The following CDH20 variants were observed in gnomAD, a reference collection of about 807,000 sequenced individuals.
CDH20 encodes the protein cadherin-20.
In CDH20, 29 loss-of-function variants were observed where a neutral mutation model predicts 74.2. The observed-to-expected ratio is 0.39, with a 90% CI of 0.29 to 0.53. The LOEUF is 0.53. CDH20 is among the 20% of genes least tolerant of loss of function. The probability of loss-of-function intolerance (pLI) is 0.69; values close to 1 mark genes in which losing one functional copy is unlikely to be tolerated. For synonymous variants in CDH20, 469 were observed against 405.4 expected (o/e 1.16, Z -1.88); for missense variants, 988 against 1,048.3 (o/e 0.94, Z 0.79).
At position 61,536,486 on chromosome 18, in the gene CDH20, T is replaced by C; in HGVS notation, c.1272-7T>C. 6.2e-7 allele frequency: 1 copy of C among 1,613,304 alleles called. No individual in the cohort carries two copies. The stretch of plus-strand genomic sequence containing the variant: ...GCAAATGATGTACGTAATCCATGTT[T>C]CTGCAGATACTCCATTGATAGAAGC... On this transcript the variant is annotated splice_polypyrimidine_tract_variant and splice_region_variant and intron_variant, in intron 7 of 11. Transcript: ENST00000262717.
rs1323959572 is a variant in CDH20 at position 61,353,793 on chromosome 18, C to T, written c.-153+19966C>T. ...TTAATAAAAGTTAAAAAAAATCTTT[C>T]AGTTCCAGCCAGTCATGGTGGCTCA... On this transcript the variant is annotated intron_variant, in intron 1 of 11. Coordinates refer to ENST00000262717, the MANE Select transcript of CDH20 (RefSeq NM_031891.4). The surrounding 1 kb of genome is among the most constrained non-coding windows in gnomAD (Gnocchi z 4.6). Among the ~76,000 whole-genome samples, 1 of 152,100 alleles carries T rather than the reference C, an allele frequency of 6.6e-6. No homozygotes were observed. Among genetic ancestry groups the T allele is most frequent in the Non-Finnish European group, 1.5e-5 (1 of 68,008 alleles).
intron 6 of CDH20, among the ~76,000 whole-genome samples, chr18:61,518,817 C>A (rs1912093629): frequency 6.6e-6 from 1 of 150,516 alleles, no homozygotes; most frequent in South Asian, 2.1e-4. Flanking sequence ...TAATAACAAA[C>A]TTTTCCGAGC....
chr18:61,482,977 T>G (rs1910638375), intron 1 of CDH20, among the ~76,000 whole-genome samples: 1 of 152,220 alleles, frequency 6.6e-6, no homozygotes. Flanking sequence ...AATTAAATTA[T>G]TATTAATCTC....
At chr18:61,459,721 C>T (rs1222874803) in intron 1 of CDH20, among the ~76,000 whole-genome samples, 2 of 152,118 alleles carry the variant, frequency 1.3e-5, no homozygotes, top group African/African-American at 2.4e-5. Flanking sequence ...TTCCTATGCA[C>T]TTTCAAGTCC....
intron 9 of CDH20, 152 bp downstream of exon 9, chr18:61,539,297 C>T: frequency 1.2e-6 from 1 of 805,490 alleles, no homozygotes; most frequent in South Asian, 1.7e-5. Flanking sequence ...AGGTTTCAAC[C>T]ATTTATTTGT....
chr18:61,524,686 C>G (rs915214274), intron 6 of CDH20, among the ~76,000 whole-genome samples: 7 of 152,134 alleles, frequency 4.6e-5, no homozygotes, highest in Non-Finnish European at 1.0e-4. Context: ...AGGCCAAGGC[C>G]GAGGTGGGCC....
chr18:61,446,603 G>A (rs1364473020), intron 1 of CDH20, among the ~76,000 whole-genome samples: 1 of 151,806 alleles, frequency 6.6e-6, no homozygotes, highest in Admixed American at 6.6e-5. Flanking sequence ...ATTTCCCTCA[G>A]TTTATTCAAA....
intron 1 of CDH20, among the ~76,000 whole-genome samples, chr18:61,355,395 G>A (rs1013450167): frequency 5.3e-5 from 8 of 152,182 alleles, no homozygotes; most frequent in Admixed American, 1.3e-4. Context: ...GACTCCAAAG[G>A]TTTGCAGAAT....
intron 6 of CDH20, among the ~76,000 whole-genome samples, chr18:61,508,439 G>A (rs1414048636): frequency 6.6e-6 from 1 of 152,108 alleles, no homozygotes; most frequent in East Asian, 1.9e-4. Context: ...AAGCAGAACA[G>A]AACACAATAA....
At chr18:61,514,507 G>A (rs569252102) in intron 6 of CDH20, among the ~76,000 whole-genome samples, 5,049 of 152,164 alleles carry the variant, frequency 0.033, 132 homozygotes, top group Middle Eastern at 0.089. Flanking sequence ...GCTCGTCAAA[G>A]TCATTCTCCA....
At chr18:61,512,007 G>T (rs2144338681) in intron 6 of CDH20, among the ~76,000 whole-genome samples, 1 of 152,280 alleles carries the variant, frequency 6.6e-6, no homozygotes, top group East Asian at 1.9e-4. Context: ...TCAGATGTCT[G>T]CTCCACGCCC....
chr18:61,538,344 T>C (rs1424153493), intron 8 of CDH20, among the ~76,000 whole-genome samples: 1 of 152,032 alleles, frequency 6.6e-6, no homozygotes, highest in Non-Finnish European at 1.5e-5. Flanking sequence ...CTGAGCCAAA[T>C]GGGAGACTGA....
At chr18:61,540,221 G>A (rs1912976966) in intron 9 of CDH20, among the ~76,000 whole-genome samples, 1 of 152,132 alleles carries the variant, frequency 6.6e-6, no homozygotes, top group African/African-American at 2.4e-5. Context: ...TGGTCCTGTG[G>A]ATGCTGGTGC....
At chr18:61,451,746 GAA>G (rs34974190) in intron 1 of CDH20, among the ~76,000 whole-genome samples, 12 of 147,792 alleles carry the variant, frequency 8.1e-5, no homozygotes, top group Non-Finnish European at 1.2e-4. Context: ...CAGAGTCAAA[GAA>G]AAAAAAAAAT....
chr18:61,456,085 G>A (rs192536221), intron 1 of CDH20, among the ~76,000 whole-genome samples: 17 of 152,280 alleles, frequency 1.1e-4, no homozygotes, highest in East Asian at 3.9e-4. Flanking sequence ...AAGCTTCACC[G>A]TTTGGGGTGG....
At chr18:61,424,302 C>G (rs1260827182) in intron 1 of CDH20, among the ~76,000 whole-genome samples, 1 of 152,206 alleles carries the variant, frequency 6.6e-6, no homozygotes, top group Non-Finnish European at 1.5e-5. Context: ...ATTTCACCAG[C>G]AGACTTAATC....
rs34784622 is a variant in CDH20, at chr18:61,527,996, C to T, written c.1047C>T (p.Tyr349=). The change falls in exon 7 of 12, where the codon TAC becomes TAT. Residue 349 remains tyrosine, a synonymous_variant. Transcript: ENST00000262717. ...KPLSFESKKS[Y]TLKVEGANPH... Reference sequence around the variant, plus strand: ...TGAGTTTTGAAAGCAAGAAAAGCTACACCTTAAAGGTGGAGGGAGCCAATC... The same window carrying T: ...TGAGTTTTGAAAGCAAGAAAAGCTATACCTTAAAGGTGGAGGGAGCCAATC... 30,172 of 1,614,018 alleles carry T rather than the reference C, an allele frequency of 0.019. 341 individuals are homozygous for T. The highest frequency in any genetic ancestry group is 0.022 in the Non-Finnish European group (25,958 of 1,179,900).
intron 1 of CDH20, among the ~76,000 whole-genome samples, chr18:61,367,259 G>A (rs1249902859): frequency 6.6e-6 from 1 of 152,138 alleles, no homozygotes; most frequent in Non-Finnish European, 1.5e-5. Flanking sequence ...AAATGAGTAA[G>A]AGCCCAAATG....
intron 1 of CDH20, among the ~76,000 whole-genome samples, chr18:61,413,155 T>A (rs1200577911): frequency 6.6e-6 from 1 of 152,164 alleles, no homozygotes. Flanking sequence ...AATGTTTTAA[T>A]TTTATCTTCA....
Sources: allele counts gnomAD v4.1 joint callset (sites outside exome capture counted in the v4.1 genomes callset), GRCh38; gene constraint gnomAD v4.1.1; non-coding constraint Gnocchi (gnomAD v3.1); transcripts MANE v1.5; gene names NCBI Gene and HGNC (gene_info 2026-07-23, HGNC 2026-07-21).